The following TMEM200A variants were observed in gnomAD, a reference collection of about 807,000 sequenced individuals.
TMEM200A encodes transmembrane protein 200A.
Under a neutral mutation model 24.3 loss-of-function variants are expected in TMEM200A, and 12 were observed. That is an observed-to-expected ratio of 0.49 (90% CI 0.32 to 0.80). The LOEUF is 0.80. TMEM200A is among the 30% of genes least tolerant of loss of function. TMEM200A has a pLI of 0.04. For synonymous variants in TMEM200A, 224 were observed against 224.4 expected (o/e 1.00, Z 0.02); for missense variants, 545 against 614.4 (o/e 0.89, Z 1.19).
intron 2 of TMEM200A, among the ~76,000 whole-genome samples, chr6:130,387,334 G>A (rs1460914982): frequency 2.0e-5 from 3 of 152,108 alleles, no homozygotes; most frequent in African/African-American, 4.8e-5. Context: ...GTGCAATGGC[G>A]TGATCTCGGC....
chr6:130,386,717 C>T (rs894179348), intron 2 of TMEM200A, among the ~76,000 whole-genome samples: 3 of 152,096 alleles, frequency 2.0e-5, no homozygotes, highest in African/African-American at 7.2e-5. Context: ...TTCCGACAAA[C>T]AAACCAAAAA....
At chr6:130,426,463 C>CA (rs1554284266) in intron 2 of TMEM200A, among the ~76,000 whole-genome samples, 2 of 143,488 alleles carry the variant, frequency 1.4e-5, no homozygotes, top group African/African-American at 2.7e-5. Context: ...TTCTGCAGCC[C>CA]CCCCCCCCTC....
chr6:130,389,463 T>G (rs540236141), intron 2 of TMEM200A, among the ~76,000 whole-genome samples: 4 of 150,742 alleles, frequency 2.7e-5, no homozygotes, highest in Non-Finnish European at 5.9e-5. Context: ...GGTTATAAGC[T>G]TGAAAGTGAT....
Position 130,440,897 on chromosome 6 carries a change from C to T in TMEM200A, c.475C>T (p.His159Tyr), listed in dbSNP as rs1780148071. The change falls in exon 3 of 3, where the codon CAC becomes TAC. Residue 159 changes from histidine (H) to tyrosine (Y), a missense_variant. His to Tyr is a moderately conservative substitution (Grantham distance 83). Transcript: ENST00000296978. ...ENRDKETKII[H>Y]MRDIYSTVID... ...CCGTGACAAAGAGACCAAAATCATA[C>T]ACATGAGGGATATCTATTCCACAGT... 4 of 1,613,920 alleles carry T rather than the reference C, an allele frequency of 2.5e-6. No homozygotes were observed. The highest frequency in any genetic ancestry group is 1.3e-5 in the African/African-American group (1 of 74,882).
chr6:130,403,837 C>G (rs1231185909), intron 2 of TMEM200A, among the ~76,000 whole-genome samples: 5 of 152,088 alleles, frequency 3.3e-5, no homozygotes, highest in Admixed American at 1.3e-4. Flanking sequence ...CCTTCAACCT[C>G]AAGTAGGCCC....
chr6:130,381,310 G>A (rs1778589882), intron 1 of TMEM200A, among the ~76,000 whole-genome samples: 1 of 152,212 alleles, frequency 6.6e-6, no homozygotes, highest in Non-Finnish European at 1.5e-5. Context: ...GTCATAAGAA[G>A]CAGTGCTAGA....
intron 2 of TMEM200A, among the ~76,000 whole-genome samples, chr6:130,409,046 T>C (rs1010491792): frequency 1.3e-5 from 2 of 152,182 alleles, no homozygotes; most frequent in Admixed American, 1.3e-4. Flanking sequence ...GCAGTCCTTG[T>C]TTGATACTTT....
At chr6:130,440,309 C>G in intron 2 of TMEM200A, 98 bp from the exon 3 acceptor site, 1 of 1,273,096 alleles carries the variant, frequency 7.9e-7, no homozygotes, top group Non-Finnish European at 1.0e-6. Context: ...ACTGCAACAG[C>G]AACAAAAATT....
chr6:130,441,478 G>A lies in TMEM200A; in HGVS notation c.1056G>A (p.Gly352=), dbSNP rs1780176446. 1.2e-6 allele frequency: 2 copies of A among 1,613,922 alleles called. No homozygotes were observed. The highest frequency in any genetic ancestry group is 1.3e-5 in the African/African-American group (1 of 74,900). ...TGCTACCAAGGAATAATTCCATTGG[G>A]GAGTCGTTGTCGAGTCAGTACAAGT... is the stretch of plus-strand genomic sequence containing the variant. ...STVLPRNNSI[G]ESLSSQYKSS... Residue 352 remains glycine (G), a synonymous_variant, in exon 3 of 3, where the codon GGG becomes GGA. Transcript: ENST00000296978.
At chr6:130,369,438 G>A (rs1778263342) in intron 1 of TMEM200A, among the ~76,000 whole-genome samples, 1 of 152,162 alleles carries the variant, frequency 6.6e-6, no homozygotes, top group African/African-American at 2.4e-5. Context: ...TTGAATTTCT[G>A]CGTAAGAATT....
intron 1 of TMEM200A, among the ~76,000 whole-genome samples, chr6:130,375,268 G>A (rs1175273218): frequency 6.6e-6 from 1 of 152,166 alleles, no homozygotes; most frequent in Non-Finnish European, 1.5e-5. Context: ...TCAAATATGA[G>A]ACAGATCTTC....
At chr6:130,418,473 G>A (rs973352213) in intron 2 of TMEM200A, among the ~76,000 whole-genome samples, 3 of 152,118 alleles carry the variant, frequency 2.0e-5, no homozygotes, top group Admixed American at 2.0e-4. Context: ...TGTATGATTT[G>A]CAAACCTTTA....
chr6:130,429,963 T>G (rs1779837034), intron 2 of TMEM200A, among the ~76,000 whole-genome samples: 1 of 152,160 alleles, frequency 6.6e-6, no homozygotes, highest in Non-Finnish European at 1.5e-5. Flanking sequence ...AACACCATGC[T>G]TACATTGGGG....
chr6:130,440,041 TGAGA>T (rs933978010), intron 2 of TMEM200A, among the ~76,000 whole-genome samples: 9 of 149,652 alleles, frequency 6.0e-5, no homozygotes, highest in East Asian at 2.0e-4. Context: ...TGTGTGTGTG[TGAGA>T]GAGAGAGAGA....
At chr6:130,368,280 G>C (rs984936615) in intron 1 of TMEM200A, among the ~76,000 whole-genome samples, 1 of 152,190 alleles carries the variant, frequency 6.6e-6, no homozygotes, top group Non-Finnish European at 1.5e-5. Flanking sequence ...TACTTCTCAT[G>C]ATGACTCTTA....
intron 2 of TMEM200A, among the ~76,000 whole-genome samples, chr6:130,407,771 A>G (rs146659680): frequency 1.9e-3 from 287 of 152,338 alleles, no homozygotes; most frequent in Middle Eastern, 6.8e-3. Context: ...TTAGAAACAG[A>G]AAAGTTATAT....
At chr6:130,400,013 A>T (rs1459074041) in intron 2 of TMEM200A, among the ~76,000 whole-genome samples, 2 of 151,978 alleles carry the variant, frequency 1.3e-5, no homozygotes, top group African/African-American at 2.4e-5. Context: ...AATGCTGTTA[A>T]TGCATTCCTT....
intron 2 of TMEM200A, among the ~76,000 whole-genome samples, chr6:130,440,010 C>CTG (rs750885142): frequency 2.8e-4 from 42 of 150,058 alleles, no homozygotes; most frequent in Middle Eastern, 3.4e-3. Flanking sequence ...ACAGATAACT[C>CTG]TGTGTGTGTG....
intron 2 of TMEM200A, among the ~76,000 whole-genome samples, chr6:130,400,176 A>AT (rs1306774402): frequency 2.0e-5 from 3 of 151,960 alleles, no homozygotes; most frequent in Admixed American, 6.6e-5. Context: ...TGGTTCCACG[A>AT]TTTTGCAGTT....
Sources: gnomAD v4.1 joint callset for allele counts (sites outside exome capture counted in the v4.1 genomes callset) on GRCh38, gnomAD v4.1.1 for gene constraint, MANE v1.5 for transcripts, NCBI Gene and HGNC (gene_info 2026-07-23, HGNC 2026-07-21) for gene names.